The following PPFIBP1 variants were observed in gnomAD, a reference collection of about 807,000 sequenced individuals.
The protein encoded by PPFIBP1 is PPFIB scaffold protein 1, also known as liprin-beta-1.
A neutral mutation model predicts 137.8 loss-of-function variants in PPFIBP1; 112 were observed. That is an observed-to-expected ratio of 0.81 (90% CI 0.70 to 0.95). PPFIBP1 has a LOEUF of 0.95. Among genes scored for constraint, PPFIBP1 ranks in the 40% least tolerant of loss-of-function variants. The pLI is 0.00. For missense variants in PPFIBP1, 1,083 were observed against 1,196.6 expected, an observed-to-expected ratio of 0.91 and a Z score of 1.40; for synonymous variants, 378 against 417.3, an observed-to-expected ratio of 0.91 and a Z score of 1.15.
chr12:27,647,962 C>T (rs1323862654), intron 6 of PPFIBP1, 120 bp downstream of exon 6: 3 of 1,273,228 alleles, frequency 2.4e-6, no homozygotes, highest in South Asian at 5.2e-5. Context: ...TAGACCAGCA[C>T]ATTAAAAAAA....
At position 27,544,707 on chromosome 12, in the gene PPFIBP1, C is replaced by T. The variant is rs536757472; in HGVS notation, c.-124+20342C>T. Reference sequence around the variant, plus strand: ...CCACAATGAGATACCATCTCACGCCCGTTAGAATGGCAATCATTAAATAGT... The same window carrying T: ...CCACAATGAGATACCATCTCACGCCTGTTAGAATGGCAATCATTAAATAGT... On this transcript the variant is annotated intron_variant, in intron 1 of 29. Transcript: ENST00000228425. Among the ~76,000 whole-genome samples the T allele has an allele frequency of 4.6e-5, 7 of 152,166 alleles. No homozygotes were observed. The South Asian group carries it at 8.3e-4, about 18-fold the overall frequency.
intron 10 of PPFIBP1, 26 bp from the exon 11 acceptor site, chr12:27,660,858 G>T: frequency 1.2e-6 from 2 of 1,612,066 alleles, no homozygotes; most frequent in South Asian, 1.1e-5. Flanking sequence ...GAACTGAACT[G>T]ACTTCTGATT....
At chr12:27,533,084 G>A (rs557711502) in intron 1 of PPFIBP1, among the ~76,000 whole-genome samples, 19 of 152,182 alleles carry the variant, frequency 1.2e-4, no homozygotes, top group African/African-American at 4.6e-4. Flanking sequence ...TGTGATCATT[G>A]TGCACTCATG....
chr12:27,622,474 G>A (rs2056430077), intron 2 of PPFIBP1, among the ~76,000 whole-genome samples: 2 of 152,148 alleles, frequency 1.3e-5, no homozygotes, highest in Admixed American at 6.5e-5. Context: ...CAGTAGACCG[G>A]TAACAGTTTG....
chr12:27,576,963 C>G (rs1356068927), intron 1 of PPFIBP1, among the ~76,000 whole-genome samples: 1 of 152,134 alleles, frequency 6.6e-6, no homozygotes, highest in East Asian at 1.9e-4. Context: ...AGAGCGCACC[C>G]TAGTCTTAAA....
chr12:27,524,800 GCCT>G (rs1943538498), intron 1 of PPFIBP1, among the ~76,000 whole-genome samples: 1 of 151,968 alleles, frequency 6.6e-6, no homozygotes, highest in African/African-American at 2.4e-5. Flanking sequence ...TCTCCTTGTG[GCCT>G]ATTATATATT....
intron 2 of PPFIBP1, among the ~76,000 whole-genome samples, chr12:27,580,003 A>G (rs768796828): frequency 1.3e-5 from 2 of 152,208 alleles, no homozygotes; most frequent in East Asian, 1.9e-4. Context: ...GTAGGGGAAG[A>G]GGAAATAGAT....
chr12:27,691,816 A>G lies in PPFIBP1; in HGVS notation c.2753A>G (p.Tyr918Cys), dbSNP rs368511222. The G allele has an allele frequency of 3.1e-6, 5 of 1,613,876 alleles. 1 individual carries two copies. In the South Asian group the frequency reaches 4.4e-5, roughly 14 times the overall value. Residue 918 changes from tyrosine to cysteine, a missense_variant, in exon 28 of 30, where the codon TAT becomes TGT. Tyr to Cys is a radical substitution (Grantham distance 194). Transcript: ENST00000228425. Reference protein sequence around the residue: ...RKKKQEDGEEYVCPMELGQAS... With the variant: ...RKKKQEDGEECVCPMELGQAS... ...AAGAAACAGGAAGATGGTGAAGAAT[A>G]TGTTTGTCCAATGGAATTGGGACAG...
In PPFIBP1 at chr12:27,689,057, T is replaced by C; in HGVS notation, c.2539T>C (p.Leu847=). 3.1e-6 allele frequency: 5 copies of C among 1,614,034 alleles called. No individual in the cohort carries two copies. The highest frequency in any genetic ancestry group is 1.1e-5 in the South Asian group (1 of 91,062). ...RFNVETMAQL[L]NIPPNKTLLR... is the part of the protein sequence containing the mutation. Reference sequence around the variant, plus strand: ...TAACGTAGAAACAATGGCTCAGTTATTGAACATCCCACCCAATAAGACTTT... The same window carrying C: ...TAACGTAGAAACAATGGCTCAGTTACTGAACATCCCACCCAATAAGACTTT... Residue 847 remains leucine (L), a synonymous_variant, in exon 27 of 30, where the codon TTG becomes CTG. Coordinates refer to ENST00000228425, the MANE Select transcript of PPFIBP1 (RefSeq NM_003622.4).
rs148902031 is a variant in PPFIBP1, at chr12:27,585,459, A to C, written c.-36+7220A>C. 7.4e-4 allele frequency among the ~76,000 whole-genome samples: 113 copies of C among 152,374 alleles called. 1 individual carries two copies. The East Asian group carries it at 0.02, about 27-fold the overall frequency. Reference sequence around the variant, plus strand: ...GTTAGGTTTTCTGAAAGGAAATGACATTCACTTTCAGATGTTATCCGTTTA... The same window carrying C: ...GTTAGGTTTTCTGAAAGGAAATGACCTTCACTTTCAGATGTTATCCGTTTA... On this transcript the variant is annotated intron_variant, in intron 2 of 29. Transcript: ENST00000228425.
intron 2 of PPFIBP1, among the ~76,000 whole-genome samples, chr12:27,620,745 A>G (rs2138540284): frequency 6.6e-6 from 1 of 152,282 alleles, no homozygotes; most frequent in South Asian, 2.1e-4. Context: ...GGGTTATTGT[A>G]AGGATTAATT....
chr12:27,619,030 T>A (rs1254180136), intron 2 of PPFIBP1, among the ~76,000 whole-genome samples: 2 of 152,064 alleles, frequency 1.3e-5, no homozygotes, highest in African/African-American at 4.8e-5. Context: ...TGAGAGAGAA[T>A]GGGTGTGGGG....
intron 26 of PPFIBP1, among the ~76,000 whole-genome samples, chr12:27,688,649 A>T (rs2061336612): frequency 6.6e-6 from 1 of 152,216 alleles, no homozygotes; most frequent in Non-Finnish European, 1.5e-5. Context: ...GTTGAATAAC[A>T]TGTAGCTGCT....
At chr12:27,642,029 T>C (rs1306865381) in intron 4 of PPFIBP1, among the ~76,000 whole-genome samples, 1 of 152,222 alleles carries the variant, frequency 6.6e-6, no homozygotes, top group African/African-American at 2.4e-5. Context: ...GATGGTGTTC[T>C]AATGTTATGT....
At chr12:27,691,063 G>A (rs948117493) in intron 27 of PPFIBP1, among the ~76,000 whole-genome samples, 5 of 149,302 alleles carry the variant, frequency 3.3e-5, no homozygotes, top group African/African-American at 7.4e-5. Context: ...GACCATCATG[G>A]AGTTTCTCTT....
intron 1 of PPFIBP1, among the ~76,000 whole-genome samples, chr12:27,561,282 G>C (rs933601375): frequency 1.3e-5 from 2 of 152,158 alleles, no homozygotes; most frequent in Non-Finnish European, 1.5e-5. Context: ...GGGGATTTAT[G>C]GTAGGTTTAC....
intron 27 of PPFIBP1, among the ~76,000 whole-genome samples, chr12:27,690,905 T>G (rs1409251563): frequency 6.6e-6 from 1 of 152,048 alleles, no homozygotes; most frequent in East Asian, 1.9e-4. Flanking sequence ...CTTTTTCTTC[T>G]TTAAAATTAA....
At chr12:27,618,363 T>C (rs7305182) in intron 2 of PPFIBP1, among the ~76,000 whole-genome samples, 43,932 of 152,074 alleles carry the variant, frequency 0.29, 6,641 homozygotes, top group South Asian at 0.42. Context: ...TCCCTCTTCC[T>C]TTTTGGAATT....
chr12:27,576,803 T>TGTGTCTAA (rs548276031), intron 1 of PPFIBP1, among the ~76,000 whole-genome samples: 318 of 152,314 alleles, frequency 2.1e-3, no homozygotes, highest in African/African-American at 7.0e-3. Flanking sequence ...AACTAAATCT[T>TGTGTCTAA]GTGTCTAAGT....
Sources: gnomAD v4.1 joint callset for allele counts (sites outside exome capture counted in the v4.1 genomes callset) on GRCh38, gnomAD v4.1.1 for gene constraint, MANE v1.5 for transcripts, NCBI Gene and HGNC (gene_info 2026-07-23, HGNC 2026-07-21) for gene names.